PAMR1: variants seen among roughly 807,000 people sequenced by gnomAD.
PAMR1 encodes the protein inactive serine protease PAMR1.
PAMR1 carries 88 observed loss-of-function variants against 81.8 expected under a neutral mutation model. The observed-to-expected ratio is 1.08, with a 90% CI of 0.91 to 1.28. The LOEUF (loss-of-function observed/expected upper bound fraction) is 1.28. Ranked by LOEUF, PAMR1 falls within the 50% of genes most tolerant of loss-of-function variation. The pLI is 0.00. For synonymous variants in PAMR1, 336 were observed against 345.3 expected (o/e 0.97, Z 0.30); for missense variants, 935 against 919.7 (o/e 1.02, Z -0.21).
chr11:35,516,399 T>C (rs1565362643), intron 1 of PAMR1, among the ~76,000 whole-genome samples: 1 of 152,198 alleles, frequency 6.6e-6, no homozygotes, highest in Non-Finnish European at 1.5e-5. Flanking sequence ...CAAAGATGAA[T>C]TCGGTATATA....
intron 3 of PAMR1, among the ~76,000 whole-genome samples, chr11:35,491,201 T>C (rs1850618832): frequency 6.6e-6 from 1 of 152,200 alleles, no homozygotes; most frequent in Non-Finnish European, 1.5e-5. Context: ...TAGTTGAGTT[T>C]CTCAGCTGCA....
At chr11:35,466,423 G>A (rs1176978744) in intron 6 of PAMR1, among the ~76,000 whole-genome samples, 1 of 152,142 alleles carries the variant, frequency 6.6e-6, no homozygotes, top group Non-Finnish European at 1.5e-5. Context: ...TGCATTGTTT[G>A]CAAGAAAACA....
intron 6 of PAMR1, among the ~76,000 whole-genome samples, chr11:35,450,669 T>C (rs1471040306): frequency 1.3e-5 from 2 of 152,206 alleles, no homozygotes; most frequent in Admixed American, 1.3e-4. Flanking sequence ...AAACATAATA[T>C]GTTATGCTTG....
At chr11:35,499,051 GCA>G (rs1850780747) in intron 1 of PAMR1, among the ~76,000 whole-genome samples, 1 of 152,206 alleles carries the variant, frequency 6.6e-6, no homozygotes, top group Non-Finnish European at 1.5e-5. Context: ...GGGCTGGCTG[GCA>G]CACAGAGGTG....
chr11:35,461,869 A>T (rs1856662233), intron 6 of PAMR1, among the ~76,000 whole-genome samples: 1 of 152,102 alleles, frequency 6.6e-6, no homozygotes, highest in Non-Finnish European at 1.5e-5. Context: ...CAGTCTGCAA[A>T]GGCTCTGGGC....
chr11:35,432,531 G>A lies in PAMR1; in HGVS notation c.1988C>T (p.Ala663Val). 1 of 1,614,242 alleles carries A rather than the reference G, an allele frequency of 6.2e-7. No homozygotes were observed. The highest frequency in any genetic ancestry group is 8.5e-7 in the Non-Finnish European group (1 of 1,180,052). The change falls in exon 11 of 11, where the codon GCA (alanine) becomes GTA (valine). Residue 663 changes from alanine (A) to valine (V), a missense_variant. Ala to Val is a moderately conservative substitution (Grantham distance 64). Transcript: ENST00000619888. ...EPTAPSDICT[A>V]ETGGIAAVSF... ...CACAGCCGCGATGCCTCCTGTCTCT[G>A]CAGTGCAGATATCAGAAGGGGCAGT...
chr11:35,504,946 A>C (rs1416998182), intron 1 of PAMR1, among the ~76,000 whole-genome samples: 1 of 151,212 alleles, frequency 6.6e-6, no homozygotes, highest in Non-Finnish European at 1.5e-5. Context: ...GTGCATTGTT[A>C]TGTTATTTGA....
chr11:35,469,882 G>T (rs1856819838), intron 5 of PAMR1, among the ~76,000 whole-genome samples: 1 of 152,064 alleles, frequency 6.6e-6, no homozygotes, highest in African/African-American at 2.4e-5. Context: ...CGATGAGAGT[G>T]GGGTGATTGC....
chr11:35,498,047 T>C (rs1850759757), intron 1 of PAMR1, among the ~76,000 whole-genome samples: 1 of 152,224 alleles, frequency 6.6e-6, no homozygotes, highest in Non-Finnish European at 1.5e-5. Context: ...ATGAATCCTG[T>C]GCAAGTTCTT....
chr11:35,461,917 G>A (rs1188983251), intron 6 of PAMR1, among the ~76,000 whole-genome samples: 2 of 152,072 alleles, frequency 1.3e-5, no homozygotes, highest in Non-Finnish European at 1.5e-5. Flanking sequence ...GGATTCCTTG[G>A]GACTGTTCTC....
intron 1 of PAMR1, chr11:35,513,291 A>G (rs575145478): frequency 6.6e-6 from 1 of 152,218 alleles, no homozygotes; most frequent in Non-Finnish European, 1.5e-5. Flanking sequence ...TAATCCTTAC[A>G]ACAACCCTAT....
chr11:35,446,850 T>G (rs754578406), intron 6 of PAMR1, among the ~76,000 whole-genome samples: 20 of 152,216 alleles, frequency 1.3e-4, no homozygotes, highest in African/African-American at 1.9e-4. Flanking sequence ...ATCTATCAGG[T>G]CCACTTGGTC....
chr11:35,501,133 CTTTT>C (rs34831742), intron 1 of PAMR1, among the ~76,000 whole-genome samples: 49 of 135,584 alleles, frequency 3.6e-4, no homozygotes, highest in Admixed American at 6.7e-4. Context: ...CTTTTTTTTT[CTTTT>C]TTTTTTTTTT....
intron 2 of PAMR1, among the ~76,000 whole-genome samples, chr11:35,493,638 C>T (rs540403746): frequency 6.6e-6 from 1 of 152,318 alleles, no homozygotes; most frequent in South Asian, 2.1e-4. Flanking sequence ...TCACCACCTT[C>T]TCTAGTAAGT....
chr11:35,473,728 C>T (rs549456076), intron 4 of PAMR1, among the ~76,000 whole-genome samples: 1 of 152,260 alleles, frequency 6.6e-6, no homozygotes, highest in South Asian at 2.1e-4. Context: ...AGCCAGGTAG[C>T]ATGTGGTAAC....
chr11:35,461,918 G>A (rs145191042), intron 6 of PAMR1, among the ~76,000 whole-genome samples: 1 of 152,272 alleles, frequency 6.6e-6, no homozygotes, highest in East Asian at 1.9e-4. Flanking sequence ...GATTCCTTGG[G>A]ACTGTTCTCC....
intron 3 of PAMR1, among the ~76,000 whole-genome samples, chr11:35,480,297 C>A (rs1850364295): frequency 6.6e-6 from 1 of 152,206 alleles, no homozygotes; most frequent in Non-Finnish European, 1.5e-5. Flanking sequence ...AGAATAGCAT[C>A]TACCACTTTG....
rs375669768 is a variant in PAMR1, at chr11:35,480,639, T to C, written c.380-5895A>G. 5.0e-4 allele frequency among the ~76,000 whole-genome samples: 76 copies of C among 152,372 alleles called. No individual in the cohort carries two copies. The South Asian group carries it at 0.015, about 30-fold the overall frequency. On this transcript the variant is annotated intron_variant, in intron 3 of 10. Coordinates refer to ENST00000619888, the MANE Select transcript of PAMR1 (RefSeq NM_001001991.3). ...TATTGTATTTTTCAGTGCTAGGGTT[T>C]CCATTGTGTTCTTTTAAATACTTTT...
chr11:35,463,452 G>A (rs1856700271), intron 6 of PAMR1, among the ~76,000 whole-genome samples: 1 of 152,198 alleles, frequency 6.6e-6, no homozygotes, highest in Admixed American at 6.5e-5. Flanking sequence ...GGGAACAAAG[G>A]CAACATGGAA....
Sources: allele counts gnomAD v4.1 joint callset (sites outside exome capture counted in the v4.1 genomes callset), GRCh38; gene constraint gnomAD v4.1.1; transcripts MANE v1.5; gene names NCBI Gene and HGNC (gene_info 2026-07-23, HGNC 2026-07-21).